The following RBMS3 variants were observed in gnomAD, a reference collection of about 807,000 sequenced individuals.
RBMS3 encodes the protein RNA-binding motif, single-stranded-interacting protein 3.
Under a neutral mutation model 66.8 loss-of-function variants are expected in RBMS3, and 27 were observed. The observed-to-expected ratio is 0.40, with a 90% CI of 0.30 to 0.56. RBMS3 has a LOEUF of 0.56. RBMS3 is among the 20% of genes least tolerant of loss of function. The pLI, the probability that RBMS3 is intolerant of heterozygous loss-of-function variation, is 0.40. For missense variants in RBMS3, 513 were observed against 549.5 expected, an observed-to-expected ratio of 0.93 and a Z score of 0.66; for synonymous variants, 188 against 183.0, an observed-to-expected ratio of 1.03 and a Z score of -0.22.
At chr3:29,856,872 C>G (rs1461723694) in intron 6 of RBMS3, among the ~76,000 whole-genome samples, 3 of 152,160 alleles carry the variant, frequency 2.0e-5, no homozygotes, top group Admixed American at 6.5e-5. Context: ...TCTTTAACAT[C>G]TCCTTGAAAA....
chr3:29,476,430 T>G (rs2042949492), intron 2 of RBMS3, among the ~76,000 whole-genome samples: 1 of 152,230 alleles, frequency 6.6e-6, no homozygotes, highest in Non-Finnish European at 1.5e-5. Flanking sequence ...ACAGAATCTA[T>G]AAAGCCAATA....
chr3:29,290,883 T>G (rs2032754820), intron 1 of RBMS3, among the ~76,000 whole-genome samples: 1 of 151,832 alleles, frequency 6.6e-6, no homozygotes, highest in Non-Finnish European at 1.5e-5. Flanking sequence ...AGACACATAT[T>G]AAAGTGCACT....
At chr3:29,465,269 T>A (rs2042499325) in intron 2 of RBMS3, among the ~76,000 whole-genome samples, 1 of 152,184 alleles carries the variant, frequency 6.6e-6, no homozygotes, top group South Asian at 2.1e-4. Flanking sequence ...TGTTAGTGAA[T>A]GGATTTATCA....
intron 4 of RBMS3, among the ~76,000 whole-genome samples, chr3:29,673,758 G>A (rs993401279): frequency 6.6e-6 from 1 of 151,982 alleles, no homozygotes; most frequent in African/African-American, 2.4e-5. Context: ...TGAGGCAATA[G>A]TTAATAGCCT....
chr3:29,944,370 T>C, intron 12 of RBMS3, 116 bp downstream of exon 12: 1 of 824,392 alleles, frequency 1.2e-6, no homozygotes, highest in Non-Finnish European at 2.0e-6. Context: ...GCAGGAAATT[T>C]GAATTCCAGT....
chr3:29,623,062 G>C (rs1194152336), intron 4 of RBMS3, among the ~76,000 whole-genome samples: 1 of 142,566 alleles, frequency 7.0e-6, no homozygotes, highest in Non-Finnish European at 1.5e-5. Context: ...AGTGAGCCGA[G>C]ATCGTACCAC....
intron 4 of RBMS3, among the ~76,000 whole-genome samples, chr3:29,670,358 T>G (rs1173727388): frequency 6.6e-6 from 1 of 152,102 alleles, no homozygotes; most frequent in African/African-American, 2.4e-5. Flanking sequence ...GACGGATGAT[T>G]TCTGCATTTC....
intron 4 of RBMS3, among the ~76,000 whole-genome samples, chr3:29,637,004 A>T (rs2049501075): frequency 6.6e-6 from 1 of 151,878 alleles, no homozygotes; most frequent in Non-Finnish European, 1.5e-5. Context: ...TTTCAGACCC[A>T]GGTTATTAGC....
At chr3:29,356,380 G>A (rs2037223129) in intron 1 of RBMS3, among the ~76,000 whole-genome samples, 1 of 152,144 alleles carries the variant, frequency 6.6e-6, no homozygotes, top group African/African-American at 2.4e-5. Context: ...TTACCCAGCT[G>A]TCAAGCAATT....
chr3:29,842,608 C>G (rs1189745790), intron 6 of RBMS3, among the ~76,000 whole-genome samples: 4 of 152,084 alleles, frequency 2.6e-5, no homozygotes, highest in African/African-American at 9.7e-5. Flanking sequence ...AATTGCATCC[C>G]AGAGATGTCC....
At chr3:29,969,578 T>C (rs976369599) in intron 12 of RBMS3, among the ~76,000 whole-genome samples, 2 of 152,156 alleles carry the variant, frequency 1.3e-5, no homozygotes, top group African/African-American at 4.8e-5. Context: ...GGGAAGAGAA[T>C]AGGTCATTTC....
At chr3:29,440,978 A>T (rs1327684194) in intron 2 of RBMS3, among the ~76,000 whole-genome samples, 1 of 152,206 alleles carries the variant, frequency 6.6e-6, no homozygotes, top group African/African-American at 2.4e-5. Context: ...GAAAAATGTG[A>T]CTGGAAATTT....
At chr3:29,884,746 C>T (rs930154480) in intron 8 of RBMS3, among the ~76,000 whole-genome samples, 3 of 151,890 alleles carry the variant, frequency 2.0e-5, no homozygotes, top group Non-Finnish European at 4.4e-5. Flanking sequence ...CTCTGAAAAA[C>T]AAGTGTGAAA....
chr3:29,437,630 T>C (rs1364075257), intron 2 of RBMS3, among the ~76,000 whole-genome samples: 1 of 152,188 alleles, frequency 6.6e-6, no homozygotes, highest in Non-Finnish European at 1.5e-5. Context: ...CTAGAGAATC[T>C]TAAAGAACTG....
intron 3 of RBMS3, among the ~76,000 whole-genome samples, chr3:29,497,399 A>G (rs1443174857): frequency 3.9e-5 from 6 of 152,162 alleles, no homozygotes; most frequent in Non-Finnish European, 8.8e-5. Context: ...CGTAAACCGA[A>G]TGTTACTTTT....
rs75508642 is a variant in RBMS3 at position 29,334,248 on chromosome 3, G to A, written c.75+52492G>A. On this transcript the variant is annotated intron_variant, in intron 1 of 14. Transcript: ENST00000383767. ...TACTATTTAAGCTTTTCACAGTTCC[G>A]TTTGCAATACACATATAACTTAGTC... 3.6e-3 allele frequency among the ~76,000 whole-genome samples: 552 copies of A among 152,132 alleles called. 2 individuals are homozygous for A. The highest frequency in any genetic ancestry group is 0.013 in the African/African-American group (520 of 41,498).
intron 10 of RBMS3, among the ~76,000 whole-genome samples, chr3:29,929,351 A>T (rs2061044379): frequency 6.6e-6 from 1 of 152,206 alleles, no homozygotes; most frequent in African/African-American, 2.4e-5. Context: ...AAAGGATTAA[A>T]ATAAAGCATT....
At chr3:29,950,056 C>G (rs1695574549) in intron 12 of RBMS3, among the ~76,000 whole-genome samples, 1 of 151,732 alleles carries the variant, frequency 6.6e-6, no homozygotes, top group African/African-American at 2.4e-5. Flanking sequence ...TCTATTTCCC[C>G]CTGGGTAACT....
intron 1 of RBMS3, among the ~76,000 whole-genome samples, chr3:29,325,298 TTTG>T (rs1559489073): frequency 6.6e-6 from 1 of 152,066 alleles, no homozygotes; most frequent in Non-Finnish European, 1.5e-5. Flanking sequence ...CACCAAAAAA[TTTG>T]TGTAGGAAAC....
Sources: gnomAD v4.1 joint callset for allele counts (sites outside exome capture counted in the v4.1 genomes callset) on GRCh38, gnomAD v4.1.1 for gene constraint, MANE v1.5 for transcripts, NCBI Gene and HGNC (gene_info 2026-07-23, HGNC 2026-07-21) for gene names.